Variants in RUBCN observed in about 807,000 individuals in gnomAD.
RUBCN encodes the protein run domain Beclin-1-interacting and cysteine-rich domain-containing protein.
A neutral mutation model predicts 113.2 loss-of-function variants in RUBCN; 74 were observed. That is an observed-to-expected ratio of 0.65 (90% confidence interval 0.54 to 0.79). The LOEUF is 0.79. RUBCN is among the 30% of genes least tolerant of loss of function. The pLI is 0.00. For synonymous variants in RUBCN, 480 were observed against 490.0 expected (o/e 0.98, Z 0.27); for missense variants, 1,109 against 1,251.7 (o/e 0.89, Z 1.72).
chr3:197,744,228 A>C (rs1728646771), intron 1 of RUBCN, among the ~76,000 whole-genome samples: 1 of 152,134 alleles, frequency 6.6e-6, no homozygotes, highest in Non-Finnish European at 1.5e-5. Context: ...TGAAAAGACA[A>C]AATTCTTGGC....
chr3:197,749,333 C>T, exon 1 of RUBCN: 1 of 1,147,890 alleles, frequency 8.7e-7, no homozygotes, highest in Non-Finnish European at 1.1e-6. Flanking sequence ...TTTGAGAGTG[C>T]CGATTGAGAG....
upstream of RUBCN, chr3:197,736,998 C>A: frequency 8.5e-7 from 1 of 1,176,804 alleles, no homozygotes; most frequent in South Asian, 2.4e-5. Context: ...AGGCCGCGCT[C>A]GCAGACCGCG....
chr3:197,694,713 A>G, intron 9 of RUBCN, 128 bp from the exon 10 acceptor site: 1 of 810,492 alleles, frequency 1.2e-6, no homozygotes, highest in Non-Finnish European at 2.1e-6. Context: ...AGAAATGGAC[A>G]TTTCTACTAC....
intron 1 of RUBCN, among the ~76,000 whole-genome samples, chr3:197,746,211 A>G (rs1728738591): frequency 6.6e-6 from 1 of 152,256 alleles, no homozygotes. Context: ...GAGGATAGCC[A>G]TCGCGAAACA....
chr3:197,701,840 G>A lies in RUBCN; in HGVS notation c.595C>T (p.Leu199Phe), dbSNP rs1723716310. Residue 199 changes from leucine (L) to phenylalanine (F), a missense_variant, in exon 6 of 20, where the codon CTC (leucine) becomes TTC (phenylalanine). Leu to Phe is a conservative substitution (Grantham distance 22). Around this residue, in one of 3 missense-constraint regions of RUBCN, gnomAD observed 736 missense variants for 779.6 expected, o/e 0.94. Transcript: ENST00000296343. ...SMFARKHESP[L>F]LVTKSQSLTA... ...AGGCTCTGGCTCTTTGTCACCAGGA[G>A]CGGGCTCTCGTGCTTTCTGGCAAAC... The A allele has an allele frequency of 6.2e-7, 1 of 1,614,206 alleles. No homozygotes were observed. The highest frequency in any genetic ancestry group is 8.5e-7 in the Non-Finnish European group (1 of 1,180,040).
Position 197,672,406 on chromosome 3 carries a change from C to CCAT in RUBCN, c.*2609_*2611dup, listed in dbSNP as rs1325829205. Reference sequence around the variant, plus strand: ...ACTTGCAAAGTGCTTCCAAAACATCCCATCCTCTACCCACTTCCCCCCTCT... The same window carrying CCAT: ...ACTTGCAAAGTGCTTCCAAAACATCCCATCATCCTCTACCCACTTCCCCCCTCT... On this transcript the variant is annotated 3_prime_UTR_variant, in exon 20 of 20. Transcript: ENST00000296343. The CCAT allele has an allele frequency of 6.6e-6, 1 of 152,272 alleles. No homozygotes were observed. The highest frequency in any genetic ancestry group is 1.9e-4 in the East Asian group (1 of 5,184). 9.4% of individuals were successfully genotyped at this position (152,272 alleles called of 1,614,324 possible).
rs993816078 is a variant in RUBCN, at chr3:197,675,354, G to A, written c.2740+68C>T. Reference sequence around the variant, plus strand: ...GTGGCACCGAACTCTTGCTAACAGGGGTGGCTCTGGGGAATCAAGGAGCCC... The same window carrying A: ...GTGGCACCGAACTCTTGCTAACAGGAGTGGCTCTGGGGAATCAAGGAGCCC... On this transcript the variant is annotated intron_variant, in intron 19 of 19. Coordinates refer to ENST00000296343, the MANE Select transcript of RUBCN (RefSeq NM_014687.4). This position sits in a 1 kb window ranked among gnomAD's most constrained non-coding sequence, Gnocchi z 4.4. The A allele has an allele frequency of 6.6e-7, 1 of 1,518,554 alleles. No homozygotes were observed. Among genetic ancestry groups the A allele is most frequent in the Non-Finnish European group, 9.1e-7 (1 of 1,095,566 alleles). The allele number at this position is 1,518,554 out of a possible 1,614,324, so 94.1% of individuals were successfully genotyped here. A position where few individuals can be genotyped will look rare whatever the true frequency, so the allele number is the denominator to read the frequency against.
chr3:197,690,375 T>G (rs1053743827), intron 11 of RUBCN, among the ~76,000 whole-genome samples: 7 of 152,138 alleles, frequency 4.6e-5, no homozygotes, highest in East Asian at 3.9e-4. Flanking sequence ...AAGGCAGAGG[T>G]TGCAGTGAGC....
chr3:197,677,165 C>T (rs1389786892), intron 17 of RUBCN, 127 bp from the exon 18 acceptor site: 2 of 1,045,158 alleles, frequency 1.9e-6, no homozygotes, highest in Admixed American at 1.9e-5. Flanking sequence ...GCCCAAGGTT[C>T]CAGGCCGCCG....
At chr3:197,676,109 T>TA (rs1234299984) in intron 18 of RUBCN, 1 of 782,170 alleles carries the variant, frequency 1.3e-6, no homozygotes, top group Non-Finnish European at 1.6e-6. Flanking sequence ...GAGGAATACA[T>TA]AAAGTATACA....
chr3:197,721,009 T>A (rs576594624), intron 1 of RUBCN, among the ~76,000 whole-genome samples: 1 of 152,158 alleles, frequency 6.6e-6, no homozygotes, highest in South Asian at 2.1e-4. Flanking sequence ...GCGATTAGAT[T>A]TGGTTTGCTA....
At chr3:197,678,958 A>G (rs62283399) in intron 16 of RUBCN, among the ~76,000 whole-genome samples, 2 of 143,772 alleles carry the variant, frequency 1.4e-5, no homozygotes, top group South Asian at 2.3e-4. Flanking sequence ...AGACTGTCGT[A>G]TGCTCTAACT....
At chr3:197,720,568 T>C (rs1440424642) in intron 1 of RUBCN, among the ~76,000 whole-genome samples, 1 of 152,054 alleles carries the variant, frequency 6.6e-6, no homozygotes, top group Non-Finnish European at 1.5e-5. Context: ...CTACCATGTC[T>C]GGCTAATTTT....
chr3:197,675,408 G>A lies in RUBCN; in HGVS notation c.2740+14C>T. 6.2e-7 allele frequency: 1 copy of A among 1,606,780 alleles called. No individual in the cohort carries two copies. Among genetic ancestry groups the A allele is most frequent in the Non-Finnish European group, 8.5e-7 (1 of 1,173,866 alleles). ...GTTCAGGCTCACTTGCCCGATGCCT[G>A]CACCTGCCCTCACCTTCACAGGTCC... On this transcript the variant is annotated intron_variant, in intron 19 of 19. Coordinates refer to ENST00000296343, the MANE Select transcript of RUBCN (RefSeq NM_014687.4). This position sits in a 1 kb window ranked among gnomAD's most constrained non-coding sequence, Gnocchi z 4.4.
chr3:197,703,397 C>CAA (rs1165064210), intron 5 of RUBCN, 151 bp downstream of exon 5: 6,691 of 154,614 alleles, frequency 0.043, 791 homozygotes, highest in Non-Finnish European at 0.046. Context: ...GACTCTGTCT[C>CAA]AAAAAAAAAA....
At chr3:197,739,851 C>A (rs1276791467), upstream of RUBCN, among the ~76,000 whole-genome samples, 4 of 152,160 alleles carry the variant, frequency 2.6e-5, no homozygotes, top group East Asian at 7.7e-4. Flanking sequence ...GCCTGGCCAA[C>A]ATAGTGAAAC....
chr3:197,739,265 C>G (rs1302715406), upstream of RUBCN, among the ~76,000 whole-genome samples: 1 of 151,634 alleles, frequency 6.6e-6, no homozygotes, highest in Non-Finnish European at 1.5e-5. Flanking sequence ...GTGGCAGACG[C>G]CTGTAATCCC....
chr3:197,722,375 G>A (rs2108972438), intron 1 of RUBCN, among the ~76,000 whole-genome samples: 1 of 152,222 alleles, frequency 6.6e-6, no homozygotes, highest in Middle Eastern at 3.4e-3. Context: ...AGAAGAATGT[G>A]TATCCTGCAG....
chr3:197,681,789 G>A lies in RUBCN; in HGVS notation c.2191+46C>T. 1 of 1,544,892 alleles carries A rather than the reference G, an allele frequency of 6.5e-7. No individual in the cohort carries two copies. Among genetic ancestry groups the A allele is most frequent in the East Asian group, 2.2e-5 (1 of 44,514 alleles). On this transcript the variant is annotated intron_variant, in intron 15 of 19. Coordinates refer to ENST00000296343, the MANE Select transcript of RUBCN (RefSeq NM_014687.4). This position sits in a 1 kb window ranked among gnomAD's most constrained non-coding sequence, Gnocchi z 5.5. ...CACCTCTCCCTACGTGTCGGGGAGG[G>A]TACAGAGCCTCTGGAGGCAGCATGG...
Sources: allele counts gnomAD v4.1 joint callset (sites outside exome capture counted in the v4.1 genomes callset), GRCh38; gene constraint gnomAD v4.1.1; regional missense constraint gnomAD v4.1.1; non-coding constraint Gnocchi (gnomAD v3.1); transcripts MANE v1.5; gene names NCBI Gene and HGNC (gene_info 2026-07-23, HGNC 2026-07-21).